NAALADL2: variants seen among roughly 807,000 people sequenced by gnomAD.
The protein encoded by NAALADL2 is N-acetylated alpha-linked acidic dipeptidase like 2, also known as inactive N-acetylated-alpha-linked acidic dipeptidase-like protein 2.
In NAALADL2, 76 loss-of-function variants were observed where a neutral mutation model predicts 87.2. The ratio of observed to expected loss-of-function variants is 0.87; its 90% confidence interval spans 0.72 to 1.05. NAALADL2 has a LOEUF of 1.05. Among genes scored for constraint, NAALADL2 ranks in the 50% least tolerant of loss-of-function variants. NAALADL2 has a pLI of 0.00. For synonymous variants in NAALADL2, 354 were observed against 331.0 expected (o/e 1.07, Z -0.75); for missense variants, 1,089 against 945.8 (o/e 1.15, Z -1.99).
intron 3 of NAALADL2, among the ~76,000 whole-genome samples, chr3:174,752,567 A>T (rs538003318): frequency 2.0e-4 from 30 of 151,398 alleles, no homozygotes; most frequent in Admixed American, 2.6e-4. Context: ...ATTTTATTTT[A>T]AAAAAAATAG....
intron 3 of NAALADL2, among the ~76,000 whole-genome samples, chr3:174,775,756 G>A (rs1260848657): frequency 6.6e-6 from 1 of 152,098 alleles, no homozygotes; most frequent in Non-Finnish European, 1.5e-5. Context: ...CCCTTGCACA[G>A]TTGTTGGCCA....
At chr3:175,051,719 G>A (rs1755415629) in intron 1 of NAALADL2, among the ~76,000 whole-genome samples, 1 of 152,186 alleles carries the variant, frequency 6.6e-6, no homozygotes, top group Non-Finnish European at 1.5e-5. Context: ...TGGACTTTAG[G>A]AGGTGAAAAT....
At chr3:175,259,233 G>C (rs535295756) in intron 4 of NAALADL2, among the ~76,000 whole-genome samples, 71 of 152,258 alleles carry the variant, frequency 4.7e-4, no homozygotes, top group Admixed American at 9.2e-4. Context: ...ATAGGTAAGA[G>C]TATAGTTAAT....
intron 1 of NAALADL2, among the ~76,000 whole-genome samples, chr3:175,022,845 A>G (rs1751735015): frequency 6.8e-6 from 1 of 146,236 alleles, no homozygotes; most frequent in Non-Finnish European, 1.5e-5. Flanking sequence ...TCATCCATCC[A>G]CTTGAAAATT....
Position 175,575,671 on chromosome 3 carries a change from A to G in NAALADL2, c.1654-370A>G, listed in dbSNP as rs569319981. Among the ~76,000 whole-genome samples, 22 of 152,338 alleles carry G rather than the reference A, an allele frequency of 1.4e-4. No homozygotes were observed. In the South Asian group the frequency reaches 4.6e-3, roughly 32 times the overall value. ...TTAAGTTTATGGGAAACCTTAATTA[A>G]AAAAACAAAATGCTACACCTTTTTA... On this transcript the variant is annotated intron_variant, in intron 9 of 13. Transcript: ENST00000454872.
At chr3:175,033,278 C>T (rs933508554) in intron 1 of NAALADL2, among the ~76,000 whole-genome samples, 1 of 151,958 alleles carries the variant, frequency 6.6e-6, no homozygotes, top group Non-Finnish European at 1.5e-5. Flanking sequence ...CTTTTTTGCC[C>T]ACCCACATAA....
chr3:175,509,035 G>A (rs1730761660), intron 9 of NAALADL2, among the ~76,000 whole-genome samples: 1 of 151,580 alleles, frequency 6.6e-6, no homozygotes, highest in Non-Finnish European at 1.5e-5. Context: ...AGAATCGCTT[G>A]AACCCAGGAG....
intron 1 of NAALADL2, among the ~76,000 whole-genome samples, chr3:174,448,791 C>T (rs894907527): frequency 2.0e-5 from 3 of 152,156 alleles, no homozygotes; most frequent in East Asian, 1.9e-4. Flanking sequence ...GCAGGTAGTC[C>T]GTTCAGGCAA....
intron 1 of NAALADL2, among the ~76,000 whole-genome samples, chr3:174,920,529 G>C (rs1353711963): frequency 6.6e-6 from 1 of 152,150 alleles, no homozygotes; most frequent in Non-Finnish European, 1.5e-5. Context: ...TTGAGATCTT[G>C]CTCTTAATTA....
At chr3:175,218,230 G>A in intron 2 of NAALADL2, 1 of 319,174 alleles carries the variant, frequency 3.1e-6, no homozygotes, top group South Asian at 2.6e-5. Flanking sequence ...GAGATAATTA[G>A]TCAAAGGATA....
chr3:175,209,080 A>G (rs1330889689), intron 2 of NAALADL2, among the ~76,000 whole-genome samples: 3 of 152,142 alleles, frequency 2.0e-5, no homozygotes, highest in Non-Finnish European at 4.4e-5. Flanking sequence ...GTTTCTGTGA[A>G]TGTTTGATCT....
At chr3:175,011,347 A>G (rs1749799159) in intron 1 of NAALADL2, among the ~76,000 whole-genome samples, 1 of 150,844 alleles carries the variant, frequency 6.6e-6, no homozygotes, top group South Asian at 2.1e-4. Flanking sequence ...CCAAGTTTTG[A>G]AGCTTGAAGT....
intron 1 of NAALADL2, among the ~76,000 whole-genome samples, chr3:174,991,753 G>A (rs145686332): frequency 2.6e-5 from 4 of 152,154 alleles, no homozygotes; most frequent in African/African-American, 9.6e-5. Flanking sequence ...GGCATATAAT[G>A]ATCTTTACTA....
chr3:174,462,582 G>A (rs1030614503), intron 1 of NAALADL2, among the ~76,000 whole-genome samples: 2 of 152,102 alleles, frequency 1.3e-5, no homozygotes, highest in Non-Finnish European at 2.9e-5. Context: ...AATAAAGATA[G>A]ATCCGGATTC....
intron 1 of NAALADL2, among the ~76,000 whole-genome samples, chr3:174,451,843 GTTTTTTTTTTTTT>G (rs764587503): frequency 3.1e-5 from 3 of 98,088 alleles, no homozygotes; most frequent in African/African-American, 5.0e-5. Flanking sequence ...GATAGTGGGA[GTTTTTTTTTTTTT>G]TTTTTTTTTT....
intron 4 of NAALADL2, among the ~76,000 whole-genome samples, chr3:175,301,686 G>A (rs1757106197): frequency 6.6e-6 from 1 of 152,150 alleles, no homozygotes; most frequent in African/African-American, 2.4e-5. Context: ...ATACCAGAAA[G>A]AAAGTGAAAG....
upstream of NAALADL2, among the ~76,000 whole-genome samples, chr3:174,855,674 T>C (rs1725758572): frequency 6.6e-6 from 1 of 151,662 alleles, no homozygotes; most frequent in Non-Finnish European, 1.5e-5. Context: ...TTTCACAAAA[T>C]TCATTGCAGG....
intron 1 of NAALADL2, among the ~76,000 whole-genome samples, chr3:174,871,016 G>A (rs1426580997): frequency 6.6e-6 from 1 of 152,002 alleles, no homozygotes; most frequent in African/African-American, 2.4e-5. Context: ...TTTTATTGAA[G>A]GTGATAAAGC....
intron 3 of NAALADL2, among the ~76,000 whole-genome samples, chr3:174,827,196 G>T (rs1371247121): frequency 6.6e-6 from 1 of 151,898 alleles, no homozygotes; most frequent in Non-Finnish European, 1.5e-5. Flanking sequence ...CATCATTTCA[G>T]TTCCGTAATT....
Sources: gnomAD v4.1 joint callset for allele counts (sites outside exome capture counted in the v4.1 genomes callset) on GRCh38, gnomAD v4.1.1 for gene constraint, MANE v1.5 for transcripts, NCBI Gene and HGNC (gene_info 2026-07-23, HGNC 2026-07-21) for gene names.